The following DPP9 variants were observed in gnomAD, a reference collection of about 807,000 sequenced individuals.
DPP9 encodes the protein dipeptidyl peptidase IV-related protein-2.
Under a neutral mutation model 110.7 loss-of-function variants are expected in DPP9, and 50 were observed. The ratio of observed to expected loss-of-function variants is 0.45; its 90% CI spans 0.36 to 0.57. The LOEUF is 0.57. DPP9 is among the 20% of genes least tolerant of loss of function. DPP9 has a pLI of 0.00. For missense variants in DPP9, 1,022 were observed against 1,217.9 expected, an observed-to-expected ratio of 0.84 and a Z score of 2.39; for synonymous variants, 561 against 514.4, an observed-to-expected ratio of 1.09 and a Z score of -1.23.
chr19:4,681,820 C>A (rs560644250), intron 20 of DPP9, among the ~76,000 whole-genome samples: 2 of 149,862 alleles, frequency 1.3e-5, no homozygotes, highest in African/African-American at 2.5e-5. Flanking sequence ...CCTGCCTTGG[C>A]CTCCCAAAGT....
chr19:4,689,891 T>A lies in DPP9; in HGVS notation c.1597-169A>T, dbSNP rs1176479865. ...GATGAACCATCCCTGAGAGATGCGC[T>A]TATCTGGCCCCGTGGGCTGGGAGCA... On this transcript the variant is annotated intron_variant, in intron 14 of 21. Coordinates refer to ENST00000262960, the MANE Select transcript of DPP9 (RefSeq NM_139159.5). This position sits in a 1 kb window ranked among gnomAD's most constrained non-coding sequence, Gnocchi z 7.0. Among the ~76,000 whole-genome samples, 1 of 152,128 alleles carries A rather than the reference T, an allele frequency of 6.6e-6. No homozygotes were observed. The highest frequency in any genetic ancestry group is 1.5e-5 in the Non-Finnish European group (1 of 68,000).
chr19:4,703,522 G>C (rs1353083371), intron 7 of DPP9, among the ~76,000 whole-genome samples: 1 of 151,280 alleles, frequency 6.6e-6, no homozygotes, highest in Non-Finnish European at 1.5e-5. Flanking sequence ...TGTAATCCCA[G>C]CTACTCGGGA....
chr19:4,702,670 G>A lies in DPP9; in HGVS notation c.816C>T (p.Thr272=), dbSNP rs1389171808. The part of the protein sequence containing the change: ...LDDPKSAGVA[T]FVIQEEFDRF... ...GGTCGAACTCTTCCTGTATGACGAA[G>A]GTGGCCACACCCGCAGACTTGGGGT... Residue 272 remains threonine (T), a synonymous_variant, in exon 8 of 22, where the codon ACC becomes ACT. Transcript: ENST00000262960. 1 of 1,603,744 alleles carries A rather than the reference G, an allele frequency of 6.2e-7. No individual in the cohort carries two copies. The highest frequency in any genetic ancestry group is 8.5e-7 in the Non-Finnish European group (1 of 1,175,664).
Position 4,684,591 on chromosome 19 carries a change from C to A in DPP9, c.2178+72G>T. 6.3e-7 allele frequency: 1 copy of A among 1,574,884 alleles called. No individual in the cohort carries two copies. Among genetic ancestry groups the A allele is most frequent in the East Asian group, 2.3e-5 (1 of 44,218 alleles). ...TGGTATTCCAGAGCCGCTCCCATGCCCTGCACCCACACGGCCCAGGGCTCC... is the reference window on the plus strand; with the variant it reads ...TGGTATTCCAGAGCCGCTCCCATGCACTGCACCCACACGGCCCAGGGCTCC... On this transcript the variant is annotated intron_variant, in intron 18 of 21. Coordinates refer to ENST00000262960, the MANE Select transcript of DPP9 (RefSeq NM_139159.5). The surrounding 1 kb of genome is among the most constrained non-coding windows in gnomAD (Gnocchi z 4.8).
intron 21 of DPP9, among the ~76,000 whole-genome samples, chr19:4,677,515 C>A (rs958912121): frequency 6.6e-6 from 1 of 152,200 alleles, no homozygotes; most frequent in Non-Finnish European, 1.5e-5. Context: ...ATGCACCAAG[C>A]CACCCACTGG....
intron 4 of DPP9, among the ~76,000 whole-genome samples, chr19:4,713,625 G>A (rs928350938): frequency 6.6e-6 from 1 of 152,218 alleles, no homozygotes; most frequent in Admixed American, 6.5e-5. Flanking sequence ...CCTTCTTGAC[G>A]CACCTCCACG....
In DPP9 at chr19:4,686,447, G is replaced by A. The variant is rs567151181; in HGVS notation, c.1886-676C>T. Among the ~76,000 whole-genome samples the A allele has an allele frequency of 9.9e-4, 150 of 151,588 alleles. 1 individual carries two copies. The highest frequency in any genetic ancestry group is 1.8e-3 in the Non-Finnish European group (120 of 67,992). The stretch of plus-strand genomic sequence containing the variant: ...CAATTCTCCTGCCTCATCTTCCCAA[G>A]TAGCTGGGATTACAGGTGCGCGCCA... On this transcript the variant is annotated intron_variant, in intron 16 of 21. Coordinates refer to ENST00000262960, the MANE Select transcript of DPP9 (RefSeq NM_139159.5).
intron 20 of DPP9, among the ~76,000 whole-genome samples, chr19:4,680,681 G>C (rs2089732303): frequency 6.7e-6 from 1 of 149,078 alleles, no homozygotes; most frequent in Non-Finnish European, 1.5e-5. Context: ...AAAATGCTGA[G>C]CATGGTGGCT....
At chr19:4,701,611 G>A (rs1383546609) in intron 9 of DPP9, among the ~76,000 whole-genome samples, 2 of 152,176 alleles carry the variant, frequency 1.3e-5, no homozygotes, top group African/African-American at 4.8e-5. Flanking sequence ...TGACATTTTC[G>A]CTAATATGAA....
intron 4 of DPP9, among the ~76,000 whole-genome samples, chr19:4,708,817 A>G (rs2092703476): frequency 6.6e-6 from 1 of 152,218 alleles, no homozygotes; most frequent in Non-Finnish European, 1.5e-5. Flanking sequence ...AGCAGACAAA[A>G]TAACTATCGG....
At chr19:4,708,581 T>C (rs777725200) in intron 4 of DPP9, among the ~76,000 whole-genome samples, 1 of 152,196 alleles carries the variant, frequency 6.6e-6, no homozygotes, top group Non-Finnish European at 1.5e-5. Flanking sequence ...GTAGTACATA[T>C]ACACCACGGA....
rs67323168 is a variant in DPP9 at position 4,694,574 on chromosome 19, TG to T, written c.1516+86del. The T allele has an allele frequency of 8.5e-3, 12,624 of 1,490,356 alleles. 923 individuals are homozygous for T. In the African/African-American group the frequency reaches 0.16, roughly 18 times the overall value. The allele number at this position is 1,490,356 out of a possible 1,614,324, so 92.3% of individuals were successfully genotyped here. On this transcript the variant is annotated intron_variant, in intron 13 of 21. Transcript: ENST00000262960. This position sits in a 1 kb window ranked among gnomAD's most constrained non-coding sequence, Gnocchi z 4.0. ...TCTCCCGCAGGGTGTGCTGGCTGAG[TG>T]GGGGGGCCGACCAATGAACAAACAG...
rs1458741224 is a variant in DPP9 at position 4,679,950 on chromosome 19, G to A, written c.2475-4C>T. The A allele has an allele frequency of 1.2e-6, 2 of 1,607,282 alleles. No individual in the cohort carries two copies. Among genetic ancestry groups the A allele is most frequent in the Admixed American group, 1.7e-5 (1 of 59,436 alleles). On this transcript the variant is annotated splice_polypyrimidine_tract_variant and splice_region_variant and intron_variant, in intron 20 of 21. Coordinates refer to ENST00000262960, the MANE Select transcript of DPP9 (RefSeq NM_139159.5). ...GAGGATAAGCAAGCGGTTGGGCCTG[G>A]AAAACAGATGGGGAAGGGTCTGAGG...
Position 4,718,058 on chromosome 19 carries a change from G to A in DPP9, c.56+1793C>T, listed in dbSNP as rs2093158747. Among the ~76,000 whole-genome samples the A allele has an allele frequency of 6.6e-6, 1 of 152,186 alleles. No homozygotes were observed. On this transcript the variant is annotated intron_variant, in intron 3 of 21. Transcript: ENST00000262960. The surrounding 1 kb of genome is among the most constrained non-coding windows in gnomAD (Gnocchi z 4.3). ...CCTAGCATGGTCTCTGTCAAGGCTG[G>A]GTGGCAGATCTGTGATCTCCTTTTT...
rs1302908202 is a variant in DPP9, at chr19:4,704,766, C to T, written c.427-462G>A. Among the ~76,000 whole-genome samples, 2 of 152,110 alleles carry T rather than the reference C, an allele frequency of 1.3e-5. No homozygotes were observed. Among genetic ancestry groups the T allele is most frequent in the East Asian group, 3.9e-4 (2 of 5,192 alleles). The stretch of plus-strand genomic sequence containing the variant: ...TCGTAATCCCAGCACTTTGGGAGGC[C>T]GAGGTGGGCAGATCACGAGGTCAGA... On this transcript the variant is annotated intron_variant, in intron 5 of 21. Transcript: ENST00000262960. The surrounding 1 kb of genome is among the most constrained non-coding windows in gnomAD (Gnocchi z 6.0).
rs1175493971 is a variant in DPP9, at chr19:4,675,964, G to A, written c.*600C>T. 1 of 152,532 alleles carries A rather than the reference G, an allele frequency of 6.6e-6. No individual in the cohort carries two copies. Among genetic ancestry groups the A allele is most frequent in the Non-Finnish European group, 1.5e-5 (1 of 68,396 alleles). The allele number at this position is 152,532 out of a possible 1,614,324, so 9.4% of individuals were successfully genotyped here. A position where few individuals can be genotyped will look rare whatever the true frequency, so the allele number is the denominator to read the frequency against. ...TTTTTTGTATTTTTAGTAGAGACGGGGTTTCCCCATGTTGGCCAGGCTGGT... is the reference window on the plus strand; with the variant it reads ...TTTTTTGTATTTTTAGTAGAGACGGAGTTTCCCCATGTTGGCCAGGCTGGT... On this transcript the variant is annotated 3_prime_UTR_variant, in exon 22 of 22. Transcript: ENST00000262960.
At chr19:4,699,770 G>C (rs1489622179) in intron 10 of DPP9, among the ~76,000 whole-genome samples, 4 of 152,188 alleles carry the variant, frequency 2.6e-5, no homozygotes, top group South Asian at 2.1e-4. Flanking sequence ...GAACGGACCT[G>C]AGGATCTGCC....
At chr19:4,688,573 G>C (rs1023658280) in intron 16 of DPP9, 184 bp downstream of exon 16, 28 of 760,984 alleles carry the variant, frequency 3.7e-5, no homozygotes, top group Non-Finnish European at 4.8e-5. Flanking sequence ...GGACCGTCTC[G>C]GACGGCAGGG....
chr19:4,719,503 G>A, intron 3 of DPP9: 1 of 336,032 alleles, frequency 3.0e-6, no homozygotes, highest in Non-Finnish European at 5.7e-6. Flanking sequence ...GAGTGATTCT[G>A]CCCCCAGCAA....
Sources: gnomAD v4.1 joint callset for allele counts (sites outside exome capture counted in the v4.1 genomes callset) on GRCh38, gnomAD v4.1.1 for gene constraint, Gnocchi (gnomAD v3.1) non-coding constraint, MANE v1.5 for transcripts, NCBI Gene and HGNC (gene_info 2026-07-23, HGNC 2026-07-21) for gene names.